Variants in HK1 observed in about 807,000 individuals in gnomAD.
The protein encoded by HK1 is hexokinase-1.
In HK1, 28 loss-of-function variants were observed where a neutral mutation model predicts 91.6. That is an observed-to-expected ratio of 0.31 (90% CI 0.23 to 0.42). The LOEUF is 0.42. HK1 is among the 10% of genes least tolerant of loss of function. HK1 has a pLI of 1.00. For missense variants in HK1, 770 were observed against 1,219.8 expected (o/e 0.63, Z 5.49); for synonymous variants, 430 against 468.1 (o/e 0.92, Z 1.05).
rs974990226 is a variant in HK1 at position 69,273,390 on chromosome 10, G to T, written c.-391+3282G>T. 7.9e-5 allele frequency among the ~76,000 whole-genome samples: 12 copies of T among 152,154 alleles called. No individual in the cohort carries two copies. In the South Asian group the frequency reaches 1.5e-3, roughly 18 times the overall value. ...GTCACCACACCCAGATAATTTTTTT[G>T]TATTTTTAGTAGAGATGGAGTTTCA... is the stretch of plus-strand genomic sequence containing the variant. On this transcript the variant is annotated intron_variant, in intron 1 of 21. Coordinates refer to the HK1 transcript ENST00000360289.
chr10:69,279,286 C>T (rs555585922), intron 1 of HK1, among the ~76,000 whole-genome samples: 2 of 152,288 alleles, frequency 1.3e-5, no homozygotes, highest in East Asian at 1.9e-4. Context: ...TGGTGAAGGG[C>T]GTTGGGACAA....
In HK1 at chr10:69,337,431, G is replaced by A. The variant is rs376421826; in HGVS notation, c.64-6396G>A. Among the ~76,000 whole-genome samples, 47 of 152,266 alleles carry A rather than the reference G, an allele frequency of 3.1e-4. No homozygotes were observed. In the East Asian group the frequency reaches 5.8e-3, roughly 19 times the overall value. On this transcript the variant is annotated intron_variant, in intron 1 of 17. Coordinates refer to ENST00000359426, the MANE Select transcript of HK1 (RefSeq NM_000188.3). Reference sequence around the variant, plus strand: ...TAGCATTAAAGCACCTGCTTCCTGCGTGGCACTTGGCATCCACAAGCTCAT... The same window carrying A: ...TAGCATTAAAGCACCTGCTTCCTGCATGGCACTTGGCATCCACAAGCTCAT...
chr10:69,346,101 T>A (rs1228097498), intron 2 of HK1, among the ~76,000 whole-genome samples: 1 of 143,736 alleles, frequency 7.0e-6, no homozygotes. Flanking sequence ...CGGGCTTCTG[T>A]CTTCACCTCC....
At chr10:69,385,512 G>A (rs536520059) in intron 12 of HK1, among the ~76,000 whole-genome samples, 37 of 152,318 alleles carry the variant, frequency 2.4e-4, no homozygotes, top group African/African-American at 8.7e-4. Flanking sequence ...GCTGGGGAGT[G>A]GATTCTGGGC....
intron 2 of HK1, among the ~76,000 whole-genome samples, chr10:69,346,664 C>T (rs1848580006): frequency 1.3e-5 from 2 of 151,546 alleles, no homozygotes; most frequent in African/African-American, 4.9e-5. Flanking sequence ...CCTCACCTGG[C>T]CTGTTTTTAT....
At chr10:69,352,963 C>T (rs988275339) in intron 2 of HK1, among the ~76,000 whole-genome samples, 10 of 152,130 alleles carry the variant, frequency 6.6e-5, no homozygotes, top group Non-Finnish European at 1.5e-4. Context: ...GGTCTCTGCC[C>T]CTAGTCTCTA....
At chr10:69,319,257 G>T in intron 1 of HK1, 7 of 600,118 alleles carry the variant, frequency 1.2e-5, no homozygotes, top group Non-Finnish European at 2.1e-5. Context: ...GCCTGCTGCA[G>T]TGTCCTTGAA....
intron 12 of HK1, among the ~76,000 whole-genome samples, chr10:69,386,043 T>C (rs1327616890): frequency 6.6e-6 from 1 of 152,170 alleles, no homozygotes; most frequent in Non-Finnish European, 1.5e-5. Context: ...TCTTGTCCAG[T>C]ATTGAGTGCC....
Position 69,369,045 on chromosome 10 carries a change from A to G in HK1, c.592-192A>G, listed in dbSNP as rs1849856701. 1.3e-5 allele frequency among the ~76,000 whole-genome samples: 2 copies of G among 152,210 alleles called. No individual in the cohort carries two copies. The highest frequency in any genetic ancestry group is 4.8e-5 in the African/African-American group (2 of 41,450). On this transcript the variant is annotated intron_variant, in intron 5 of 17. Coordinates refer to ENST00000359426, the MANE Select transcript of HK1 (RefSeq NM_000188.3). The surrounding 1 kb of genome is among the most constrained non-coding windows in gnomAD (Gnocchi z 4.4). Reference sequence around the variant, plus strand: ...GACTCTTAAGCCAGGTAATTAAGGAAACTGTGAGGTTTTCATCATTTAATC... The same window carrying G: ...GACTCTTAAGCCAGGTAATTAAGGAGACTGTGAGGTTTTCATCATTTAATC...
intron 5 of HK1, among the ~76,000 whole-genome samples, chr10:69,307,412 C>A (rs1289813936): frequency 6.6e-6 from 1 of 152,222 alleles, no homozygotes; most frequent in African/African-American, 2.4e-5. Flanking sequence ...ACTTGCCACG[C>A]TTTAGGAATC....
At chr10:69,394,809 G>C in intron 15 of HK1, 141 bp from the exon 16 acceptor site, 1 of 817,760 alleles carries the variant, frequency 1.2e-6, no homozygotes, top group South Asian at 1.4e-5. Context: ...CTGCCTCTGC[G>C]GCAGAGCACA....
chr10:69,382,838 A>G, intron 10 of HK1, 47 bp downstream of exon 10: 1 of 1,589,464 alleles, frequency 6.3e-7, no homozygotes, highest in Non-Finnish European at 8.6e-7. Flanking sequence ...TCCTGCCAGG[A>G]ACTGAGCCGC....
chr10:69,288,744 A>C, exon 3 of HK1: 1 of 1,613,528 alleles, frequency 6.2e-7, no homozygotes, highest in Non-Finnish European at 8.5e-7. Context: ...CCTCCCCACA[A>C]TGGGGCAGAT....
chr10:69,313,785 G>A (rs749117977), upstream of HK1, among the ~76,000 whole-genome samples: 6 of 152,056 alleles, frequency 3.9e-5, no homozygotes, highest in Middle Eastern at 6.3e-3. Context: ...GTGAGGCACC[G>A]GCCTGAAATC....
Position 69,379,950 on chromosome 10 carries a change from G to A in HK1, c.1120G>A (p.Val374Ile), listed in dbSNP as rs761213475. Residue 374 changes from valine to isoleucine, a missense_variant, in exon 9 of 18, where the codon GTT becomes ATT. By Grantham distance (29) the Val-to-Ile change is conservative. Coordinates refer to ENST00000359426, the MANE Select transcript of HK1 (RefSeq NM_000188.3). ...SDDDCVSVQH[V>I]CTIVSFRSAN... ...TGATGACTGTGTCTCAGTCCAGCAC[G>A]TTTGCACCATTGTCTCATTTCGCTC... The A allele has an allele frequency of 6.8e-6, 11 of 1,614,210 alleles. No individual in the cohort carries two copies. The South Asian group carries it at 9.9e-5, about 15-fold the overall frequency.
At position 69,401,193 on chromosome 10, in the gene HK1, C is replaced by A; in HGVS notation, c.*58C>A. The A allele has an allele frequency of 6.4e-7, 1 of 1,567,886 alleles. No individual in the cohort carries two copies. Among genetic ancestry groups the A allele is most frequent in the Non-Finnish European group, 8.6e-7 (1 of 1,158,800 alleles). On this transcript the variant is annotated 3_prime_UTR_variant, in exon 18 of 18. Coordinates refer to ENST00000359426, the MANE Select transcript of HK1 (RefSeq NM_000188.3). Reference sequence around the variant, plus strand: ...GCACTTCTCTCTTCAAGCGGCGACCCCCTACCCTCCCAGCGAGTTGCGCTG... The same window carrying A: ...GCACTTCTCTCTTCAAGCGGCGACCACCTACCCTCCCAGCGAGTTGCGCTG...
chr10:69,286,746 C>T (rs376969676), intron 2 of HK1, among the ~76,000 whole-genome samples: 4 of 151,982 alleles, frequency 2.6e-5, no homozygotes, highest in African/African-American at 9.7e-5. Flanking sequence ...GGGGGTTTCA[C>T]CTCGTTGGTC....
At chr10:69,333,459 C>T (rs1184538095) in intron 1 of HK1, among the ~76,000 whole-genome samples, 2 of 152,152 alleles carry the variant, frequency 1.3e-5, no homozygotes, top group East Asian at 1.9e-4. Flanking sequence ...CTGTTCTCCC[C>T]GAGGGAATGG....
At chr10:69,316,068 G>T (rs946770420), upstream of HK1, 6 of 1,426,294 alleles carry the variant, frequency 4.2e-6, no homozygotes, top group Non-Finnish European at 5.0e-6. Flanking sequence ...GATGAGAGGG[G>T]ATGCTTGGTC....
Sources: gnomAD v4.1 joint callset for allele counts (sites outside exome capture counted in the v4.1 genomes callset) on GRCh38, gnomAD v4.1.1 for gene constraint, Gnocchi (gnomAD v3.1) non-coding constraint, MANE v1.5 for transcripts, NCBI Gene and HGNC (gene_info 2026-07-23, HGNC 2026-07-21) for gene names.